Variants in PRKACB observed in about 807,000 individuals in gnomAD.
PRKACB encodes the protein cAMP-dependent protein kinase catalytic subunit beta.
Under a neutral mutation model 51.4 loss-of-function variants are expected in PRKACB, and 16 were observed. That is an observed-to-expected ratio of 0.31 (90% CI 0.21 to 0.47). The LOEUF (loss-of-function observed/expected upper bound fraction) is 0.47. PRKACB is among the 20% of genes least tolerant of loss of function. The pLI, the probability that PRKACB is intolerant of heterozygous loss-of-function variation, is 1.00. For synonymous variants in PRKACB, 147 were observed against 154.4 expected, an observed-to-expected ratio of 0.95 and a Z score of 0.35; for missense variants, 309 against 464.5, an observed-to-expected ratio of 0.67 and a Z score of 3.08.
At chr1:84,094,221 GATATCCT>G (rs1648750363) in intron 1 of PRKACB, among the ~76,000 whole-genome samples, 1 of 151,936 alleles carries the variant, frequency 6.6e-6, no homozygotes. Flanking sequence ...AAATTTTTAA[GATATCCT>G]GTTATCTGTT....
Position 84,144,367 on chromosome 1 carries a change from A to G in PRKACB, c.6A>G (p.Ala2=). ...TAAAGTGTAAATGCACATGAATGGC[A>G]GCTTATAGAGAACCACCTTGTAACC... M[A]AYREPPCNQY... The change falls in exon 1 of 10, where the codon GCA becomes GCG. Residue 2 remains alanine (A), a synonymous_variant. Coordinates refer to ENST00000370685, the MANE Select transcript of PRKACB (RefSeq NM_182948.4). 1 of 1,609,512 alleles carries G rather than the reference A, an allele frequency of 6.2e-7. No individual in the cohort carries two copies. The highest frequency in any genetic ancestry group is 8.5e-7 in the Non-Finnish European group (1 of 1,178,416).
chr1:84,157,264 T>C (rs1655618094), intron 1 of PRKACB: 1 of 152,166 alleles, frequency 6.6e-6, no homozygotes, highest in South Asian at 2.1e-4. Flanking sequence ...ATCATTCCCC[T>C]GAGGTAATGG....
At chr1:84,096,735 T>G (rs1163953299) in intron 1 of PRKACB, among the ~76,000 whole-genome samples, 1 of 152,134 alleles carries the variant, frequency 6.6e-6, no homozygotes, top group Non-Finnish European at 1.5e-5. Flanking sequence ...CTTGATAGTA[T>G]TTTTTCTTTT....
At chr1:84,215,724 A>G (rs1672785552) in intron 9 of PRKACB, among the ~76,000 whole-genome samples, 1 of 152,196 alleles carries the variant, frequency 6.6e-6, no homozygotes, top group Non-Finnish European at 1.5e-5. Context: ...ATTAATTGAT[A>G]GCAGTTATCA....
At chr1:84,144,886 T>G (rs1653832091) in intron 1 of PRKACB, among the ~76,000 whole-genome samples, 1 of 152,184 alleles carries the variant, frequency 6.6e-6, no homozygotes, top group Admixed American at 6.5e-5. Flanking sequence ...TGTTTACTTC[T>G]TAAAATGTCT....
At chr1:84,198,029 G>T (rs1668683145) in intron 7 of PRKACB, among the ~76,000 whole-genome samples, 1 of 151,874 alleles carries the variant, frequency 6.6e-6, no homozygotes, top group South Asian at 2.1e-4. Context: ...TTAACTCTGG[G>T]TCTTAGAGAT....
chr1:84,232,911 A>G (rs1675973257), intron 9 of PRKACB, among the ~76,000 whole-genome samples: 1 of 151,964 alleles, frequency 6.6e-6, no homozygotes, highest in South Asian at 2.1e-4. Flanking sequence ...TAGTCCATTT[A>G]CATTTAAAGT....
exon 1 of PRKACB, chr1:84,078,326 A>T (rs769507623): frequency 4.4e-6 from 7 of 1,607,812 alleles, no homozygotes; most frequent in Non-Finnish European, 5.9e-6. Context: ...CGCCCCAGAC[A>T]TGGGGAACGC....
chr1:84,112,667 A>C (rs1650333568), intron 1 of PRKACB, among the ~76,000 whole-genome samples: 1 of 152,178 alleles, frequency 6.6e-6, no homozygotes, highest in Non-Finnish European at 1.5e-5. Context: ...TCAATTTTTA[A>C]TTTACATTTT....
intron 8 of PRKACB, among the ~76,000 whole-genome samples, chr1:84,210,732 T>C (rs954041132): frequency 4.6e-5 from 7 of 152,198 alleles, no homozygotes; most frequent in African/African-American, 1.7e-4. Context: ...CATAGAAATC[T>C]TTAGTGTCTC....
At chr1:84,165,504 T>C (rs1657130915) in intron 1 of PRKACB, among the ~76,000 whole-genome samples, 2 of 151,912 alleles carry the variant, frequency 1.3e-5, no homozygotes, top group Non-Finnish European at 1.5e-5. Flanking sequence ...CTACAATTTA[T>C]TGAGAAATAA....
intron 9 of PRKACB, among the ~76,000 whole-genome samples, chr1:84,221,674 T>G (rs1453926892): frequency 6.6e-6 from 1 of 152,124 alleles, no homozygotes; most frequent in African/African-American, 2.4e-5. Context: ...TCTTAATTTC[T>G]TCATTAGCCC....
chr1:84,169,432 G>C (rs1658648011), intron 1 of PRKACB, among the ~76,000 whole-genome samples: 1 of 151,480 alleles, frequency 6.6e-6, no homozygotes, highest in African/African-American at 2.4e-5. Context: ...AAATAAACCT[G>C]GCATTTTTAG....
In PRKACB at chr1:84,235,607, A is replaced by G. The variant is rs1040618451; in HGVS notation, c.*302A>G. ...TTTTCCAATTTCATTGGTTTTCTCTAAACAGTGCTCCATTTTATTTTGTTG... is the reference window on the plus strand; with the variant it reads ...TTTTCCAATTTCATTGGTTTTCTCTGAACAGTGCTCCATTTTATTTTGTTG... On this transcript the variant is annotated 3_prime_UTR_variant, in exon 10 of 10. Transcript: ENST00000370685. 3.9e-6 allele frequency: 1 copy of G among 259,224 alleles called. No homozygotes were observed. The highest frequency in any genetic ancestry group is 7.3e-6 in the Non-Finnish European group (1 of 136,782). 16.1% of individuals were successfully genotyped at this position (259,224 alleles called of 1,614,324 possible).
chr1:84,095,403 AT>A (rs1443848893), intron 1 of PRKACB, among the ~76,000 whole-genome samples: 1 of 151,900 alleles, frequency 6.6e-6, no homozygotes, highest in African/African-American at 2.4e-5. Context: ...TTCAGGATAT[AT>A]TTTATAAGTA....
At chr1:84,131,571 T>C (rs371867585) in intron 1 of PRKACB, among the ~76,000 whole-genome samples, 3 of 152,310 alleles carry the variant, frequency 2.0e-5, no homozygotes, top group South Asian at 2.1e-4. Context: ...CTAGCATTCT[T>C]ACAAGATAAA....
At chr1:84,212,396 T>A (rs1672274544) in intron 8 of PRKACB, among the ~76,000 whole-genome samples, 1 of 152,178 alleles carries the variant, frequency 6.6e-6, no homozygotes, top group Non-Finnish European at 1.5e-5. Flanking sequence ...TGGTTATGAA[T>A]TTAACTTTAC....
At chr1:84,229,099 A>G (rs1675147984) in intron 9 of PRKACB, among the ~76,000 whole-genome samples, 1 of 130,378 alleles carries the variant, frequency 7.7e-6, no homozygotes, top group Non-Finnish European at 1.6e-5. Context: ...ACCCCGTAAC[A>G]GTCCCCAGAG....
At chr1:84,188,980 T>A (rs1297573409) in intron 5 of PRKACB, among the ~76,000 whole-genome samples, 1 of 151,998 alleles carries the variant, frequency 6.6e-6, no homozygotes, top group Non-Finnish European at 1.5e-5. Context: ...AAAACTTTTA[T>A]TATTTTTAAA....
Sources: gnomAD v4.1 joint callset for allele counts (sites outside exome capture counted in the v4.1 genomes callset) on GRCh38, gnomAD v4.1.1 for gene constraint, MANE v1.5 for transcripts, NCBI Gene and HGNC (gene_info 2026-07-23, HGNC 2026-07-21) for gene names.